The following CAMSAP2 variants were observed in gnomAD, a reference collection of about 807,000 sequenced individuals.
CAMSAP2 encodes the protein calmodulin regulated spectrin associated protein family member 2.
In CAMSAP2, 26 loss-of-function variants were observed where a neutral mutation model predicts 146.1. That is an observed-to-expected ratio of 0.18 (90% CI 0.13 to 0.25). CAMSAP2 has a LOEUF of 0.25. Ranked by LOEUF, CAMSAP2 falls within the 10% of genes least tolerant of loss-of-function variation. The pLI is 1.00. For synonymous variants in CAMSAP2, 499 were observed against 596.6 expected, an observed-to-expected ratio of 0.84 and a Z score of 2.38; for missense variants, 1,381 against 1,759.3, an observed-to-expected ratio of 0.78 and a Z score of 3.85.
At chr1:200,755,538 G>A (rs540900084) in intron 1 of CAMSAP2, among the ~76,000 whole-genome samples, 1 of 152,312 alleles carries the variant, frequency 6.6e-6, no homozygotes, top group Admixed American at 6.5e-5. Flanking sequence ...TGGCCTTATA[G>A]GGTAATGGGA....
At position 200,848,979 on chromosome 1, in the gene CAMSAP2, C is replaced by G; in HGVS notation, c.2210C>G (p.Pro737Arg). 1 of 1,614,082 alleles carries G rather than the reference C, an allele frequency of 6.2e-7. No individual in the cohort carries two copies. Among genetic ancestry groups the G allele is most frequent in the Non-Finnish European group, 8.5e-7 (1 of 1,180,004 alleles). Reference sequence around the variant, plus strand: ...CAAATTCCAGAAGAAACAGGGCTTCCACAGGGACGGGACACTACCCAGCTG... The same window carrying G: ...CAAATTCCAGAAGAAACAGGGCTTCGACAGGGACGGGACACTACCCAGCTG... ...WAQIPEETGL[P>R]QGRDTTQLLA... The change falls in exon 11 of 17, where the codon CCA (proline) becomes CGA (arginine). Residue 737 changes from proline (P) to arginine (R), a missense_variant. Physicochemically the swap from Pro to Arg is moderately radical, Grantham distance 103. This residue lies in a region of CAMSAP2 where 560 missense variants were observed against 715.9 expected (regional missense o/e 0.78). Transcript: ENST00000358823.
chr1:200,804,019 C>T (rs1050987653), intron 2 of CAMSAP2, among the ~76,000 whole-genome samples: 78 of 152,058 alleles, frequency 5.1e-4, no homozygotes, highest in African/African-American at 1.8e-3. Context: ...CTCCACCTCC[C>T]GGGTTCATGC....
At chr1:200,759,577 G>A (rs1432223730) in intron 1 of CAMSAP2, among the ~76,000 whole-genome samples, 4 of 152,034 alleles carry the variant, frequency 2.6e-5, no homozygotes, top group African/African-American at 9.7e-5. Flanking sequence ...GCGCCCAGCT[G>A]CAGATTTTTC....
intron 4 of CAMSAP2, among the ~76,000 whole-genome samples, chr1:200,828,871 T>G (rs1420174694): frequency 6.6e-6 from 1 of 151,644 alleles, no homozygotes; most frequent in Non-Finnish European, 1.5e-5. Context: ...AAAAAAAAAC[T>G]TATGGGCCAG....
chr1:200,756,865 TATC>T (rs1301496291), intron 1 of CAMSAP2, among the ~76,000 whole-genome samples: 1 of 152,200 alleles, frequency 6.6e-6, no homozygotes, highest in Non-Finnish European at 1.5e-5. Context: ...TAGAGATTCA[TATC>T]ATGGTAAATG....
At chr1:200,773,991 T>G (rs1230199691) in intron 2 of CAMSAP2, among the ~76,000 whole-genome samples, 3 of 152,126 alleles carry the variant, frequency 2.0e-5, no homozygotes, top group Non-Finnish European at 4.4e-5. Context: ...TTTAGTAGGT[T>G]TGGTATTAAA....
At chr1:200,817,174 A>ATATACACACACACATATAAGTGTGTGTG (rs1558192009) in intron 4 of CAMSAP2, among the ~76,000 whole-genome samples, 18 of 63,180 alleles carry the variant, frequency 2.8e-4, no homozygotes, top group East Asian at 7.2e-4. Flanking sequence ...ACGTGTGTGT[A>ATATACACACACACATATAAGTGTGTGTG]TATACACACA....
chr1:200,765,431 A>G (rs1322669107), intron 2 of CAMSAP2, among the ~76,000 whole-genome samples: 7 of 151,972 alleles, frequency 4.6e-5, no homozygotes, highest in African/African-American at 2.4e-5. Context: ...GGGTTTCACC[A>G]TGTTGGCCAG....
rs563363118 is a variant in CAMSAP2 at position 200,847,334 on chromosome 1, A to T, written c.1192+42A>T. ...AGCCTAGGAAAATACTCTTTTAAGT[A>T]GGTTACCTGGGAAATGATTGACAGT... is the stretch of plus-strand genomic sequence containing the variant. On this transcript the variant is annotated intron_variant, in intron 9 of 16. Coordinates refer to ENST00000358823, the MANE Select transcript of CAMSAP2 (RefSeq NM_203459.4). 1.9e-4 allele frequency: 251 copies of T among 1,355,750 alleles called. 3 individuals carry two copies. The East Asian group carries it at 2.7e-3, about 15-fold the overall frequency. The allele number at this position is 1,355,750 out of a possible 1,614,324, so 84.0% of individuals were successfully genotyped here. A position where few individuals can be genotyped will look rare whatever the true frequency, so the allele number is the denominator to read the frequency against.
rs1461883538 is a variant in CAMSAP2 at position 200,857,045 on chromosome 1, G to T, written c.4013-261G>T. On this transcript the variant is annotated intron_variant, in intron 15 of 16. Transcript: ENST00000358823. This position sits in a 1 kb window ranked among gnomAD's most constrained non-coding sequence, Gnocchi z 4.7. ...TTTAAGAAAGAAGGTTAAATAGGCA[G>T]TATGACAGTTATAGCAATATTTTAT... Among the ~76,000 whole-genome samples, 2 of 152,192 alleles carry T rather than the reference G, an allele frequency of 1.3e-5. No homozygotes were observed. The highest frequency in any genetic ancestry group is 2.9e-5 in the Non-Finnish European group (2 of 68,036).
In CAMSAP2 at chr1:200,832,684, C is replaced by T. The variant is rs748279962; in HGVS notation, c.788-22C>T. 2.5e-6 allele frequency: 4 copies of T among 1,578,058 alleles called. No homozygotes were observed. The highest frequency in any genetic ancestry group is 2.6e-6 in the Non-Finnish European group (3 of 1,162,570). Reference sequence around the variant, plus strand: ...TATCAAATTAATCCAAAGTCACCACCTTGCTCTTTTCTTATTTGAAGATAT... The same window carrying T: ...TATCAAATTAATCCAAAGTCACCACTTTGCTCTTTTCTTATTTGAAGATAT... On this transcript the variant is annotated intron_variant, in intron 5 of 16. Transcript: ENST00000358823. The surrounding 1 kb of genome is among the most constrained non-coding windows in gnomAD (Gnocchi z 4.2).
rs780489347 is a variant in CAMSAP2 at position 200,853,454 on chromosome 1, A to T, written c.3782A>T (p.Asp1261Val). The T allele has an allele frequency of 6.2e-7, 1 of 1,613,792 alleles. No homozygotes were observed. Among genetic ancestry groups the T allele is most frequent in the Admixed American group, 1.7e-5 (1 of 60,000 alleles). ...KKQRPKSIHR[D>V]HIESPKTPIK... is the part of the protein sequence containing the mutation. ...CAGCGACCAAAATCTATTCACAGAGATCATATTGAATCCCCCAAAACACCA... is the reference window on the plus strand; with the variant it reads ...CAGCGACCAAAATCTATTCACAGAGTTCATATTGAATCCCCCAAAACACCA... Residue 1261 changes from aspartate to valine, a missense_variant, in exon 13 of 17, where the codon GAT becomes GTT. By Grantham distance (152) the Asp-to-Val change is radical. Transcript: ENST00000358823. This position sits in a 1 kb window ranked among gnomAD's most constrained non-coding sequence, Gnocchi z 5.1.
chr1:200,792,298 C>T (rs1329614561), intron 2 of CAMSAP2, among the ~76,000 whole-genome samples: 1 of 152,026 alleles, frequency 6.6e-6, no homozygotes, highest in East Asian at 1.9e-4. Flanking sequence ...TACTACTCAG[C>T]AATAAAAAGA....
intron 2 of CAMSAP2, among the ~76,000 whole-genome samples, chr1:200,769,870 C>A (rs1246667323): frequency 1.3e-5 from 2 of 152,058 alleles, no homozygotes; most frequent in African/African-American, 4.8e-5. Flanking sequence ...GGTCTTAAGA[C>A]CCACAGTCAG....
chr1:200,770,257 TC>T (rs1476850542), intron 2 of CAMSAP2, among the ~76,000 whole-genome samples: 1 of 152,136 alleles, frequency 6.6e-6, no homozygotes, highest in African/African-American at 2.4e-5. Context: ...AGGAAATTGA[TC>T]TATAACTGAC....
Position 200,851,289 on chromosome 1 carries a change from C to T in CAMSAP2, c.3465+1055C>T, listed in dbSNP as rs192292913. ...AATCTCGGCTTACCACAACCTCCGC[C>T]TCCTGGGTTCAGGCGATTCTCCTGC... On this transcript the variant is annotated intron_variant, in intron 11 of 16. Transcript: ENST00000358823. 4.6e-3 allele frequency among the ~76,000 whole-genome samples: 701 copies of T among 152,316 alleles called. 6 individuals carry two copies. Among genetic ancestry groups the T allele is most frequent in the Non-Finnish European group, 8.1e-3 (553 of 68,022 alleles).
intron 7 of CAMSAP2, 113 bp downstream of exon 7, chr1:200,842,200 T>G: frequency 1.3e-6 from 1 of 741,580 alleles, no homozygotes; most frequent in Admixed American, 2.6e-5. Context: ...TTTTTTAGAT[T>G]TCAGCTATTA....
chr1:200,779,312 CTA>C (rs1277224749), intron 2 of CAMSAP2, among the ~76,000 whole-genome samples: 1 of 152,100 alleles, frequency 6.6e-6, no homozygotes, highest in Non-Finnish European at 1.5e-5. Context: ...ATAGAAAAGA[CTA>C]TGTAACCTAG....
intron 3 of CAMSAP2, among the ~76,000 whole-genome samples, chr1:200,813,472 A>G (rs1408788104): frequency 6.6e-6 from 1 of 152,218 alleles, no homozygotes; most frequent in African/African-American, 2.4e-5. Flanking sequence ...AGCATTTACA[A>G]ATGGTTTTTG....
Sources: gnomAD v4.1 joint callset for allele counts (sites outside exome capture counted in the v4.1 genomes callset) on GRCh38, gnomAD v4.1.1 for gene constraint, gnomAD v4.1.1 regional missense constraint, Gnocchi (gnomAD v3.1) non-coding constraint, MANE v1.5 for transcripts, NCBI Gene and HGNC (gene_info 2026-07-23, HGNC 2026-07-21) for gene names.